Variants in PLA2G4E observed in about 807,000 individuals in gnomAD.
The protein encoded by PLA2G4E is phospholipase A2 group IVE, also known as cytosolic phospholipase A2 epsilon.
Under a neutral mutation model 109.1 loss-of-function variants are expected in PLA2G4E, and 84 were observed. That is an observed-to-expected ratio of 0.77 (90% confidence interval 0.65 to 0.92). The LOEUF (loss-of-function observed/expected upper bound fraction) is 0.92, where lower values mean the gene tolerates loss of function less well. PLA2G4E is among the 40% of genes least tolerant of loss of function. The probability of loss-of-function intolerance (pLI) is 0.00; values close to 1 mark genes in which losing one functional copy is unlikely to be tolerated. For synonymous variants in PLA2G4E, 469 were observed against 436.1 expected (o/e 1.08, Z -0.94); for missense variants, 1,057 against 1,076.6 (o/e 0.98, Z 0.25).
exon 15 of PLA2G4E, chr15:41,989,475 C>G: frequency 6.2e-7 from 1 of 1,613,968 alleles, no homozygotes; most frequent in Non-Finnish European, 8.5e-7. Context: ...ATGAAGAACT[C>G]GGAGCCGAAG....
Position 41,989,638 on chromosome 15 carries a change from G to A in PLA2G4E, c.1586-86C>T. On this transcript the variant is annotated intron_variant, in intron 14 of 19. Coordinates refer to ENST00000399518, the Ensembl canonical transcript of PLA2G4E. ...GGCCCCCCTCCTGCCTGCAGCCACT[G>A]GCTCAGGCCTTGGAAAGCCTGGGAC... The A allele has an allele frequency of 1.3e-6, 2 of 1,508,092 alleles. 1 individual carries two copies. The highest frequency in any genetic ancestry group is 4.9e-5 in the East Asian group (2 of 41,202). The allele number at this position is 1,508,092 out of a possible 1,614,324, so 93.4% of individuals were successfully genotyped here.
rs550796903 is a variant in PLA2G4E at position 42,047,026 on chromosome 15, T to C, written c.183+3495A>G. The stretch of plus-strand genomic sequence containing the variant: ...GGAGGGAATCCTTCAAGGACCAAAA[T>C]GGAGGGCAGATGAGGAGCTATTTGA... On this transcript the variant is annotated intron_variant, in intron 1 of 19. Transcript: ENST00000399518. Among the ~76,000 whole-genome samples, 4 of 152,302 alleles carry C rather than the reference T, an allele frequency of 2.6e-5. No individual in the cohort carries two copies. The East Asian group carries it at 7.7e-4, about 29-fold the overall frequency.
At chr15:41,986,508 G>A (rs1288246213) in intron 17 of PLA2G4E, among the ~76,000 whole-genome samples, 10 of 151,890 alleles carry the variant, frequency 6.6e-5, no homozygotes, top group African/African-American at 1.5e-4. Context: ...AGTTCCAAGC[G>A]GGCACCACTC....
At chr15:42,026,788 C>A (rs78093762) in intron 1 of PLA2G4E, among the ~76,000 whole-genome samples, 11,047 of 152,024 alleles carry the variant, frequency 0.073, 780 homozygotes, top group African/African-American at 0.17. Flanking sequence ...GCCTGGCCAA[C>A]ATGGTGAAAC....
rs2068107920 is a variant in PLA2G4E, at chr15:41,984,455, GAA to G, written c.2365_2366del (p.Phe789ProfsTer13). ...GCTCACCTGGTGCCTTGTATTTTCG[GAA>G]AGTGTCATTGATGAGTGGGAAGAAA... On this transcript the variant is annotated frameshift_variant, in exon 19 of 20. Coordinates refer to ENST00000399518, the Ensembl canonical transcript of PLA2G4E. LOFTEE classifies it high-confidence loss of function. The G allele has an allele frequency of 6.2e-7, 1 of 1,613,314 alleles. No individual in the cohort carries two copies. The highest frequency in any genetic ancestry group is 8.5e-7 in the Non-Finnish European group (1 of 1,179,484).
chr15:41,987,592 C>T (rs151088838), intron 16 of PLA2G4E, among the ~76,000 whole-genome samples: 24 of 152,156 alleles, frequency 1.6e-4, no homozygotes, highest in African/African-American at 5.3e-4. Context: ...GGAGGGGGAG[C>T]GAGACAGCTA....
chr15:42,033,491 C>G (rs1473198454), intron 1 of PLA2G4E, among the ~76,000 whole-genome samples: 1 of 146,556 alleles, frequency 6.8e-6, no homozygotes, highest in Non-Finnish European at 1.5e-5. Flanking sequence ...AGCCTCTGCA[C>G]TCTGTCTGGT....
At chr15:42,016,763 A>C (rs189697800) in intron 1 of PLA2G4E, among the ~76,000 whole-genome samples, 1 of 152,330 alleles carries the variant, frequency 6.6e-6, no homozygotes, top group Admixed American at 6.5e-5. Context: ...AGTCAAACTC[A>C]CAGCCAATTA....
In PLA2G4E at chr15:42,010,364, G is replaced by C; in HGVS notation, c.257-2499C>G. 4 of 306,222 alleles carry C rather than the reference G, an allele frequency of 1.3e-5. No homozygotes were observed. The South Asian group carries it at 1.4e-4, about 11-fold the overall frequency. 19.0% of individuals were successfully genotyped at this position (306,222 alleles called of 1,614,324 possible). ...TAAAAACTCAGTATTTTTGGCCTAA[G>C]GCTTAAATGTCTAGTTAAGATAAAG... On this transcript the variant is annotated intron_variant, in intron 2 of 19. Transcript: ENST00000399518.
Position 42,046,430 on chromosome 15 carries a change from G to T in PLA2G4E, c.183+4091C>A, listed in dbSNP as rs536303226. 3.9e-5 allele frequency among the ~76,000 whole-genome samples: 6 copies of T among 152,228 alleles called. No homozygotes were observed. The East Asian group carries it at 7.7e-4, about 20-fold the overall frequency. On this transcript the variant is annotated intron_variant, in intron 1 of 19. Coordinates refer to ENST00000399518, the Ensembl canonical transcript of PLA2G4E. ...GGTTTTCTCCCTGTTTCTACAAAAG[G>T]TCAACCTTGTGTCCACCTCAGGGCC...
exon 17 of PLA2G4E, chr15:41,987,217 G>C: frequency 6.2e-7 from 1 of 1,614,036 alleles, no homozygotes; most frequent in Non-Finnish European, 8.5e-7. Context: ...TTGGTGTGCA[G>C]CTGCAGCCCA....
chr15:41,995,839 CT>C (rs1336983366), intron 11 of PLA2G4E, among the ~76,000 whole-genome samples: 3 of 152,326 alleles, frequency 2.0e-5, no homozygotes, highest in East Asian at 3.9e-4. Flanking sequence ...TGGTGGGCAG[CT>C]TGTTCAAGAA....
chr15:42,004,195 G>A (rs1051270079), intron 5 of PLA2G4E, among the ~76,000 whole-genome samples: 1 of 152,210 alleles, frequency 6.6e-6, no homozygotes, highest in Non-Finnish European at 1.5e-5. Flanking sequence ...ACAGTTACTC[G>A]GGAGGCTGAG....
chr15:41,984,331 C>T (rs2068104824), intron 19 of PLA2G4E, 105 bp downstream of exon 19: 1 of 1,280,498 alleles, frequency 7.8e-7, no homozygotes, highest in Non-Finnish European at 1.1e-6. Flanking sequence ...CAGGCTGGAG[C>T]TGAGCCAGGC....
chr15:42,030,140 G>A (rs1006503016), intron 1 of PLA2G4E, among the ~76,000 whole-genome samples: 7 of 152,198 alleles, frequency 4.6e-5, no homozygotes, highest in African/African-American at 1.7e-4. Flanking sequence ...AGGAATGAAG[G>A]TTGGAGAAGG....
At chr15:41,994,833 C>G (rs2068311620) in intron 12 of PLA2G4E, among the ~76,000 whole-genome samples, 1 of 152,186 alleles carries the variant, frequency 6.6e-6, no homozygotes, top group Non-Finnish European at 1.5e-5. Context: ...AGAAATTAAC[C>G]TATTTTTGTG....
intron 1 of PLA2G4E, among the ~76,000 whole-genome samples, chr15:42,016,813 A>T (rs2068599840): frequency 6.6e-6 from 1 of 152,254 alleles, no homozygotes; most frequent in Non-Finnish European, 1.5e-5. Flanking sequence ...ACCCTGAAAT[A>T]TTGAACATCT....
At chr15:42,040,814 A>G (rs1595579261) in intron 1 of PLA2G4E, among the ~76,000 whole-genome samples, 1 of 152,342 alleles carries the variant, frequency 6.6e-6, no homozygotes. Flanking sequence ...TGGCTCTCAG[A>G]TACTCTGATG....
chr15:42,034,889 T>C (rs888331230), intron 1 of PLA2G4E, among the ~76,000 whole-genome samples: 3 of 152,348 alleles, frequency 2.0e-5, no homozygotes, highest in African/African-American at 7.2e-5. Flanking sequence ...GGCTTTTTAT[T>C]TGCTTAAGCG....
Sources: gnomAD v4.1 joint callset for allele counts (sites outside exome capture counted in the v4.1 genomes callset) on GRCh38, gnomAD v4.1.1 for gene constraint, MANE v1.5 for transcripts, NCBI Gene and HGNC (gene_info 2026-07-23, HGNC 2026-07-21) for gene names.